RP1: variants seen among roughly 807,000 people sequenced by gnomAD.
The protein encoded by RP1 is oxygen-regulated protein 1.
RP1 carries 16 observed loss-of-function variants against 14.8 expected under a neutral mutation model. The observed-to-expected ratio is 1.08, with a 90% confidence interval of 0.73 to 1.65. The LOEUF (loss-of-function observed/expected upper bound fraction) is 1.65, where lower values mean the gene tolerates loss of function less well. Ranked by LOEUF, RP1 falls within the 40% of genes most tolerant of loss-of-function variation. The pLI is 0.00. For missense variants in RP1, 2,631 were observed against 2,535.0 expected (o/e 1.04, Z -0.81); for synonymous variants, 876 against 883.6 (o/e 0.99, Z 0.15).
intron 23 of RP1, among the ~76,000 whole-genome samples, chr8:54,776,314 A>G (rs1161159667): frequency 6.6e-6 from 1 of 152,114 alleles, no homozygotes; most frequent in Admixed American, 6.6e-5. Flanking sequence ...GGATCCTCCT[A>G]CCTCGGCTTC....
chr8:54,797,547 A>ACACACACACC (rs921392239), intron 24 of RP1, among the ~76,000 whole-genome samples: 1 of 151,682 alleles, frequency 6.6e-6, no homozygotes, highest in African/African-American at 2.4e-5. Context: ...ACACACACAC[A>ACACACACACC]CACACACACA....
chr8:54,756,078 G>A (rs1809499042), intron 21 of RP1, among the ~76,000 whole-genome samples: 1 of 152,132 alleles, frequency 6.6e-6, no homozygotes. Flanking sequence ...TGCTCTCTCA[G>A]GCTTGAAAGA....
chr8:54,714,801 G>T (rs1323657805), intron 15 of RP1, among the ~76,000 whole-genome samples: 1 of 152,214 alleles, frequency 6.6e-6, no homozygotes, highest in Non-Finnish European at 1.5e-5. Flanking sequence ...TGTCAGTGGT[G>T]ACTTTGTTGT....
Position 54,754,937 on chromosome 8 carries a change from T to G in RP1, c.2941+2T>G. On this transcript the variant is annotated splice_donor_variant, in intron 20 of 22. Transcript: ENST00000636932. LOFTEE classifies it high-confidence loss of function. ...AAGGAGGACAAGCTATTTTTCCATG[T>G]GTGTTTTTAATCTTCAGTAGCATCT... The G allele has an allele frequency of 6.6e-7, 1 of 1,520,296 alleles. No individual in the cohort carries two copies. The highest frequency in any genetic ancestry group is 1.4e-5 in the African/African-American group (1 of 72,464). The allele number at this position is 1,520,296 out of a possible 1,614,324, so 94.2% of individuals were successfully genotyped here. A position where few individuals can be genotyped will look rare whatever the true frequency, so the allele number is the denominator to read the frequency against.
At chr8:54,831,337 A>T (rs1469088747) in intron 24 of RP1, among the ~76,000 whole-genome samples, 3 of 149,166 alleles carry the variant, frequency 2.0e-5, no homozygotes, top group Non-Finnish European at 4.5e-5. Flanking sequence ...TATATTCTGG[A>T]TATCTCAATC....
intron 24 of RP1, among the ~76,000 whole-genome samples, chr8:54,784,848 T>A (rs897317079): frequency 2.6e-5 from 4 of 152,130 alleles, no homozygotes; most frequent in African/African-American, 7.2e-5. Context: ...TTTCTTTTTG[T>A]TAAAAGTGGT....
intron 18 of RP1, among the ~76,000 whole-genome samples, chr8:54,737,995 A>C (rs184021699): frequency 6.6e-4 from 100 of 152,290 alleles, no homozygotes; most frequent in African/African-American, 2.3e-3. Context: ...ATTTAAAAAA[A>C]ATCCTCACAG....
chr8:54,581,212 A>G (rs181003708), intron 1 of RP1, among the ~76,000 whole-genome samples: 3 of 144,650 alleles, frequency 2.1e-5, no homozygotes, highest in Admixed American at 7.1e-5. Flanking sequence ...GTGTCCATGT[A>G]TTCTCATTGT....
rs1230962295 is a variant in RP1, at chr8:54,627,084, G to A, written c.3202G>A (p.Ala1068Thr). ...LARKRQSVEA[A>T]IQVDPIEEET... Reference sequence around the variant, plus strand: ...TAGAAAAAGGCAAAGTGTAGAGGCTGCCATTCAAGTAGATCCTATAGAAGA... The same window carrying A: ...TAGAAAAAGGCAAAGTGTAGAGGCTACCATTCAAGTAGATCCTATAGAAGA... Residue 1068 changes from alanine (A) to threonine (T), a missense_variant, in exon 4 of 4, where the codon GCC becomes ACC. By Grantham distance (58) the Ala-to-Thr change is moderately conservative (BLOSUM62 0). Coordinates refer to ENST00000220676, the MANE Select transcript of RP1 (RefSeq NM_006269.2). 1 of 1,614,060 alleles carries A rather than the reference G, an allele frequency of 6.2e-7. No homozygotes were observed.
At chr8:54,705,817 AG>A (rs1437219704) in intron 14 of RP1, among the ~76,000 whole-genome samples, 2 of 125,774 alleles carry the variant, frequency 1.6e-5, no homozygotes, top group African/African-American at 7.3e-5. Context: ...ATCCAATTTT[AG>A]CTTTTTTTTT....
chr8:54,741,378 A>G (rs1223756285), intron 19 of RP1, among the ~76,000 whole-genome samples: 1 of 151,996 alleles, frequency 6.6e-6, no homozygotes, highest in Non-Finnish European at 1.5e-5. Context: ...TTAATCTTTC[A>G]TGCTCTATTT....
intron 23 of RP1, among the ~76,000 whole-genome samples, chr8:54,780,451 G>A (rs1026018460): frequency 1.3e-5 from 2 of 152,188 alleles, no homozygotes; most frequent in South Asian, 2.1e-4. Flanking sequence ...TAATGTGGAC[G>A]CAATACCTGT....
intron 1 of RP1, among the ~76,000 whole-genome samples, chr8:54,562,626 A>G (rs1435216566): frequency 6.6e-6 from 1 of 152,016 alleles, no homozygotes; most frequent in Non-Finnish European, 1.5e-5. Context: ...GTGAACCGAG[A>G]TGGTGCCATG....
chr8:54,706,295 A>T lies in RP1; in HGVS notation c.1999-148A>T, dbSNP rs115134862. The stretch of plus-strand genomic sequence containing the variant: ...TTTTGTTTACTTTTGCATAGCAGTG[A>T]CATTGTTTACTTCTTTTGCTCGTTT... On this transcript the variant is annotated intron_variant, in intron 14 of 22. Transcript: ENST00000636932. 377 of 720,036 alleles carry T rather than the reference A, an allele frequency of 5.2e-4. 1 individual carries two copies. In the African/African-American group the frequency reaches 5.8e-3, roughly 11 times the overall value. The allele number at this position is 720,036 out of a possible 1,614,324, so 44.6% of individuals were successfully genotyped here.
intron 21 of RP1, among the ~76,000 whole-genome samples, chr8:54,756,200 T>C (rs1171440601): frequency 6.6e-6 from 1 of 152,244 alleles, no homozygotes; most frequent in Non-Finnish European, 1.5e-5. Context: ...GCCAACTGTG[T>C]TATTTTCACA....
chr8:54,651,399 T>C (rs1806652983), intron 4 of RP1, among the ~76,000 whole-genome samples: 2 of 151,554 alleles, frequency 1.3e-5, no homozygotes, highest in African/African-American at 4.8e-5. Flanking sequence ...CTGTCCTAGG[T>C]TTTTTTTTCT....
chr8:54,652,897 T>C, intron 5 of RP1: 1 of 1,450,272 alleles, frequency 6.9e-7, no homozygotes, highest in Non-Finnish European at 9.4e-7. Flanking sequence ...TCCCATTCTT[T>C]GCAAAATCCT....
intron 1 of RP1, among the ~76,000 whole-genome samples, chr8:54,574,036 C>T (rs376027125): frequency 3.1e-4 from 47 of 152,216 alleles, no homozygotes; most frequent in East Asian, 1.2e-3. Context: ...GAGAATAAGA[C>T]GAACACAAAG....
chr8:54,696,003 C>T (rs887508151), intron 12 of RP1, among the ~76,000 whole-genome samples: 4 of 152,010 alleles, frequency 2.6e-5, no homozygotes, highest in Non-Finnish European at 5.9e-5. Flanking sequence ...AGAAATATGA[C>T]TTTAAATGAA....
Sources: gnomAD v4.1 joint callset for allele counts (sites outside exome capture counted in the v4.1 genomes callset) on GRCh38, gnomAD v4.1.1 for gene constraint, MANE v1.5 for transcripts, NCBI Gene and HGNC (gene_info 2026-07-23, HGNC 2026-07-21) for gene names.